EFCAB12: variants seen among roughly 807,000 people sequenced by gnomAD.
The protein encoded by EFCAB12 is EF-hand calcium-binding domain-containing protein 12.
Under a neutral mutation model 53.6 loss-of-function variants are expected in EFCAB12, and 43 were observed. The ratio of observed to expected loss-of-function variants is 0.80; its 90% confidence interval spans 0.63 to 1.03. The LOEUF is 1.03. EFCAB12 is among the 50% of genes least tolerant of loss of function. The probability of loss-of-function intolerance (pLI) is 0.00; values close to 1 mark genes in which losing one functional copy is unlikely to be tolerated. For missense variants in EFCAB12, 646 were observed against 730.6 expected, an observed-to-expected ratio of 0.88 and a Z score of 1.34; for synonymous variants, 269 against 289.2, an observed-to-expected ratio of 0.93 and a Z score of 0.71.
intron 4 of EFCAB12, 34 bp downstream of exon 4, chr3:129,415,211 G>T (rs1158881014): frequency 3.2e-6 from 5 of 1,554,974 alleles, no homozygotes; most frequent in South Asian, 1.2e-5. Context: ...CCAGGACGGG[G>T]AGGTGGAGGC....
chr3:129,406,821 G>A lies in EFCAB12; in HGVS notation c.1249+1824C>T, dbSNP rs532348484. Among the ~76,000 whole-genome samples the A allele has an allele frequency of 1.3e-3, 191 of 151,734 alleles. 1 individual carries two copies. The highest frequency in any genetic ancestry group is 1.9e-3 in the Non-Finnish European group (132 of 67,954). Reference sequence around the variant, plus strand: ...CGCTGCTAGAATGTGACCGTTGGAGGGGGGAGATAAAAAAGGTTGTGACTT... The same window carrying A: ...CGCTGCTAGAATGTGACCGTTGGAGAGGGGAGATAAAAAAGGTTGTGACTT... On this transcript the variant is annotated intron_variant, in intron 6 of 8. Transcript: ENST00000505956.
At chr3:129,408,493 C>T (rs2071982491) in intron 6 of EFCAB12, among the ~76,000 whole-genome samples, 152 bp downstream of exon 6, 1 of 152,178 alleles carries the variant, frequency 6.6e-6, no homozygotes, top group South Asian at 2.1e-4. Context: ...CTCCTCTTCT[C>T]CTCCACGCCC....
intron 6 of EFCAB12, among the ~76,000 whole-genome samples, chr3:129,405,755 A>T (rs1559783600): frequency 6.6e-6 from 1 of 152,178 alleles, no homozygotes; most frequent in Non-Finnish European, 1.5e-5. Context: ...CTCTCTGCTT[A>T]TAGGAGATCA....
At chr3:129,426,143 C>G (rs1452872744) in intron 1 of EFCAB12, among the ~76,000 whole-genome samples, 1 of 152,132 alleles carries the variant, frequency 6.6e-6, no homozygotes, top group Non-Finnish European at 1.5e-5. Flanking sequence ...TTTTGGGCCC[C>G]TCTTTTCCTG....
intron 1 of EFCAB12, among the ~76,000 whole-genome samples, chr3:129,427,191 T>C (rs940606534): frequency 6.6e-6 from 1 of 152,050 alleles, no homozygotes; most frequent in Non-Finnish European, 1.5e-5. Context: ...GATCTCACTA[T>C]GTTGCCCAGG....
chr3:129,423,413 GC>G (rs1264274312), intron 1 of EFCAB12, among the ~76,000 whole-genome samples: 1 of 152,066 alleles, frequency 6.6e-6, no homozygotes, highest in Non-Finnish European at 1.5e-5. Context: ...GATTGCTTGA[GC>G]CCAGGAGTTC....
At chr3:129,410,714 T>A (rs771153573) in intron 5 of EFCAB12, among the ~76,000 whole-genome samples, 2 of 152,218 alleles carry the variant, frequency 1.3e-5, no homozygotes, top group Admixed American at 6.5e-5. Context: ...CTGTTATGCT[T>A]ACTATAACAC....
At chr3:129,409,141 G>A (rs1296993361) in intron 5 of EFCAB12, among the ~76,000 whole-genome samples, 2 of 152,212 alleles carry the variant, frequency 1.3e-5, no homozygotes, top group Non-Finnish European at 2.9e-5. Context: ...ATGCCCTAGA[G>A]GCGTCCTATT....
At chr3:129,402,482 C>G (rs769104727) in intron 8 of EFCAB12, 41 bp downstream of exon 8, 3 of 1,596,190 alleles carry the variant, frequency 1.9e-6, no homozygotes, top group East Asian at 4.5e-5. Context: ...TGCCCCTCCT[C>G]CCACCTTCCT....
intron 4 of EFCAB12, chr3:129,411,606 CCT>C: frequency 2.6e-6 from 1 of 389,118 alleles, no homozygotes. Flanking sequence ...GTCCTGTCAC[CCT>C]GTCTCACCAA....
Position 129,401,591 on chromosome 3 carries a change from C to A in EFCAB12, c.*2G>T. ...GCTGGGTCCGGCAACACCTGGCTAG[C>A]TCTAGTTGATGTAGTACACCTTGGC... is the stretch of plus-strand genomic sequence containing the variant. On this transcript the variant is annotated 3_prime_UTR_variant, in exon 9 of 9. Coordinates refer to ENST00000505956, the MANE Select transcript of EFCAB12 (RefSeq NM_207307.3). The A allele has an allele frequency of 2.0e-6, 3 of 1,531,482 alleles. 1 individual carries two copies. In the South Asian group the frequency reaches 3.7e-5, roughly 19 times the overall value. 94.9% of individuals were successfully genotyped at this position (1,531,482 alleles called of 1,614,324 possible). A position where few individuals can be genotyped will look rare whatever the true frequency, so the allele number is the denominator to read the frequency against.
intron 1 of EFCAB12, among the ~76,000 whole-genome samples, chr3:129,425,451 T>C (rs2072259689): frequency 1.3e-5 from 2 of 152,108 alleles, no homozygotes; most frequent in Non-Finnish European, 2.9e-5. Context: ...CTTTCTGTTG[T>C]CTGAGGTGCC....
chr3:129,411,046 G>T, intron 5 of EFCAB12, 112 bp downstream of exon 5: 1 of 1,215,346 alleles, frequency 8.2e-7, no homozygotes, highest in Non-Finnish European at 1.1e-6. Flanking sequence ...TTGTAGAGGC[G>T]AAGACCCCCC....
chr3:129,405,809 T>A (rs2071942399), intron 6 of EFCAB12, among the ~76,000 whole-genome samples: 2 of 151,894 alleles, frequency 1.3e-5, no homozygotes, highest in Non-Finnish European at 2.9e-5. Context: ...GCCAAGACAG[T>A]GGTCAGAGAT....
At chr3:129,426,331 A>T (rs1257250151) in intron 1 of EFCAB12, among the ~76,000 whole-genome samples, 2 of 139,696 alleles carry the variant, frequency 1.4e-5, no homozygotes, top group Admixed American at 1.4e-4. Flanking sequence ...AAACATCTCC[A>T]CTTGGATGGC....
chr3:129,419,964 C>T (rs567938985), intron 2 of EFCAB12, among the ~76,000 whole-genome samples: 4 of 152,316 alleles, frequency 2.6e-5, no homozygotes, highest in Admixed American at 6.5e-5. Flanking sequence ...GTATGAGGTA[C>T]TACCTAATTC....
chr3:129,402,828 C>T, intron 7 of EFCAB12: 1 of 483,634 alleles, frequency 2.1e-6, no homozygotes, highest in South Asian at 2.3e-5. Context: ...AGTCACTTCC[C>T]CTTTCTCATC....
chr3:129,416,211 G>T (rs1423591202), intron 3 of EFCAB12, among the ~76,000 whole-genome samples: 1 of 152,022 alleles, frequency 6.6e-6, no homozygotes, highest in Non-Finnish European at 1.5e-5. Context: ...CTGAGGCCAG[G>T]AGTTCGAGAC....
intron 1 of EFCAB12, among the ~76,000 whole-genome samples, chr3:129,428,056 T>A (rs933577759): frequency 6.6e-6 from 1 of 152,222 alleles, no homozygotes; most frequent in Non-Finnish European, 1.5e-5. Flanking sequence ...CCCCTTCTTA[T>A]TCTGTAATTA....
Sources: gnomAD v4.1 joint callset for allele counts (sites outside exome capture counted in the v4.1 genomes callset) on GRCh38, gnomAD v4.1.1 for gene constraint, MANE v1.5 for transcripts, NCBI Gene and HGNC (gene_info 2026-07-23, HGNC 2026-07-21) for gene names.